The following VWA3B variants were observed in gnomAD, a reference collection of about 807,000 sequenced individuals.
VWA3B encodes the protein von Willebrand factor A domain-containing protein 3B.
Under a neutral mutation model 158.3 loss-of-function variants are expected in VWA3B, and 138 were observed. That is an observed-to-expected ratio of 0.87 (90% confidence interval 0.76 to 1.00). The LOEUF is 1.00. Among genes scored for constraint, VWA3B ranks in the 50% least tolerant of loss-of-function variants. The pLI is 0.00. For missense variants in VWA3B, 1,555 were observed against 1,565.1 expected, an observed-to-expected ratio of 0.99 and a Z score of 0.11; for synonymous variants, 596 against 587.3, an observed-to-expected ratio of 1.01 and a Z score of -0.21.
chr2:98,197,976 A>T (rs2105454188), intron 12 of VWA3B, among the ~76,000 whole-genome samples: 1 of 152,012 alleles, frequency 6.6e-6, no homozygotes, highest in South Asian at 2.1e-4. Flanking sequence ...GGACAGAGAT[A>T]GAAATATATA....
intron 3 of VWA3B, among the ~76,000 whole-genome samples, chr2:98,117,907 T>C (rs1373106859): frequency 6.6e-6 from 1 of 152,140 alleles, no homozygotes; most frequent in Non-Finnish European, 1.5e-5. Context: ...CAGCTACTTT[T>C]TGTATTTTTA....
intron 10 of VWA3B, 50 bp from the exon 11 acceptor site, chr2:98,192,848 T>G (rs1476999341): frequency 6.2e-7 from 1 of 1,613,680 alleles, no homozygotes; most frequent in Non-Finnish European, 8.5e-7. Context: ...GAAGATGCTC[T>G]TGTTGCCTGC....
intron 21 of VWA3B, among the ~76,000 whole-genome samples, chr2:98,266,035 G>T (rs1443766127): frequency 6.8e-6 from 1 of 148,014 alleles, no homozygotes; most frequent in Non-Finnish European, 1.5e-5. Flanking sequence ...CTGTGCAGAA[G>T]CTCTTTAGTT....
intron 2 of VWA3B, among the ~76,000 whole-genome samples, chr2:98,103,623 G>A (rs558064913): frequency 3.9e-5 from 6 of 152,008 alleles, no homozygotes; most frequent in African/African-American, 1.4e-4. Flanking sequence ...TAATTACATT[G>A]AGGTCAGAGA....
At chr2:98,283,289 A>G (rs1415320484) in intron 22 of VWA3B, among the ~76,000 whole-genome samples, 2 of 152,246 alleles carry the variant, frequency 1.3e-5, no homozygotes, top group Admixed American at 1.3e-4. Context: ...CGATGTGGAC[A>G]TCTTTACGGA....
intron 14 of VWA3B, among the ~76,000 whole-genome samples, chr2:98,221,098 C>T (rs367621021): frequency 6.6e-6 from 1 of 151,618 alleles, no homozygotes; most frequent in African/African-American, 2.4e-5. Context: ...AACAAACCTG[C>T]GTGTTCTGCA....
At chr2:98,243,111 T>C (rs1052030161) in intron 19 of VWA3B, among the ~76,000 whole-genome samples, 1 of 152,080 alleles carries the variant, frequency 6.6e-6, no homozygotes, top group Admixed American at 6.5e-5. Context: ...ATCCAGACCC[T>C]TTGTTCTTTG....
intron 8 of VWA3B, among the ~76,000 whole-genome samples, chr2:98,172,876 A>G (rs980289047): frequency 2.0e-5 from 3 of 152,196 alleles, no homozygotes; most frequent in Non-Finnish European, 2.9e-5. Flanking sequence ...GAGAATTCAG[A>G]TACACTATTG....
Position 98,271,500 on chromosome 2 carries a change from C to T in VWA3B, c.3045+617C>T, listed in dbSNP as rs867563258. On this transcript the variant is annotated intron_variant, in intron 22 of 27. Coordinates refer to ENST00000477737, the MANE Select transcript of VWA3B (RefSeq NM_144992.5). Reference sequence around the variant, plus strand: ...TTCTACATAGGTGCAATCAGAGTGTCCATAATTATTGTATATTCTGCTTTT... The same window carrying T: ...TTCTACATAGGTGCAATCAGAGTGTTCATAATTATTGTATATTCTGCTTTT... Among the ~76,000 whole-genome samples the T allele has an allele frequency of 1.2e-4, 18 of 152,122 alleles. No individual in the cohort carries two copies. In the Middle Eastern group the frequency reaches 0.014, roughly 115 times the overall value.
chr2:98,128,520 C>T lies in VWA3B; in HGVS notation c.872+112C>T. ...TTAACCAATCTGTTGCTGTGTTCTC[C>T]TCTTTCCAGTATATTATTTAGTCTC... On this transcript the variant is annotated intron_variant, in intron 6 of 27. Coordinates refer to ENST00000477737, the MANE Select transcript of VWA3B (RefSeq NM_144992.5). The T allele has an allele frequency of 1.2e-5, 13 of 1,062,532 alleles. No homozygotes were observed. The South Asian group carries it at 1.8e-4, about 15-fold the overall frequency. The allele number at this position is 1,062,532 out of a possible 1,614,324, so 65.8% of individuals were successfully genotyped here.
chr2:98,105,397 T>C (rs933029035), intron 2 of VWA3B, among the ~76,000 whole-genome samples: 1 of 152,240 alleles, frequency 6.6e-6, no homozygotes, highest in African/African-American at 2.4e-5. Context: ...GAATTTGACA[T>C]GTATGCAATG....
At chr2:98,277,983 A>C (rs1008821376) in intron 22 of VWA3B, among the ~76,000 whole-genome samples, 9 of 152,026 alleles carry the variant, frequency 5.9e-5, no homozygotes, top group Admixed American at 5.9e-4. Flanking sequence ...ACAGTCCATT[A>C]ACGGGAGGTG....
chr2:98,313,811 A>C (rs530842798), downstream of VWA3B, among the ~76,000 whole-genome samples: 1 of 152,288 alleles, frequency 6.6e-6, no homozygotes, highest in African/African-American at 2.4e-5. Context: ...TACAGGGCAA[A>C]TATATACAAT....
At chr2:98,290,804 GC>G (rs1284388470) in intron 23 of VWA3B, 182 bp downstream of exon 23, 1 of 501,140 alleles carries the variant, frequency 2.0e-6, no homozygotes, top group East Asian at 3.6e-5. Flanking sequence ...GCGTATTTGG[GC>G]CCCCCAAAAA....
chr2:98,201,679 T>C (rs1275212164), intron 12 of VWA3B, among the ~76,000 whole-genome samples: 1 of 152,174 alleles, frequency 6.6e-6, no homozygotes, highest in Non-Finnish European at 1.5e-5. Context: ...CTATTCTTGG[T>C]TTTTTGAGGA....
intron 21 of VWA3B, among the ~76,000 whole-genome samples, chr2:98,264,667 A>G (rs1368062436): frequency 6.6e-6 from 1 of 152,086 alleles, no homozygotes; most frequent in Non-Finnish European, 1.5e-5. Context: ...TGTGTACTTG[A>G]GAAGAATGTG....
In VWA3B at chr2:98,192,900, T is replaced by C; in HGVS notation, c.1469T>C (p.Ile490Thr). 3 of 1,614,208 alleles carry C rather than the reference T, an allele frequency of 1.9e-6. No homozygotes were observed. The highest frequency in any genetic ancestry group is 2.5e-6 in the Non-Finnish European group (3 of 1,180,034). ...HTALARIRRRIKWLQDGSQSL... is the reference protein window; with the variant it reads ...HTALARIRRRTKWLQDGSQSL... ...CTTTCAACCTACTTCCTGCCTAGGA[T>C]TAAATGGCTACAGGATGGGAGTCAA... is the stretch of plus-strand genomic sequence containing the variant. Residue 490 changes from isoleucine to threonine, a missense_variant and splice_region_variant, in exon 11 of 28, where the codon ATT (isoleucine) becomes ACT (threonine). Ile to Thr is a moderately conservative substitution (Grantham distance 89). Coordinates refer to ENST00000477737, the MANE Select transcript of VWA3B (RefSeq NM_144992.5).
Position 98,270,814 on chromosome 2 carries a change from G to A in VWA3B, c.2976G>A (p.Met992Ile). Residue 992 changes from methionine (M) to isoleucine (I), a missense_variant, in exon 22 of 28, where the codon ATG (methionine) becomes ATA (isoleucine). Physicochemically the swap from Met to Ile is conservative, Grantham distance 10. Coordinates refer to ENST00000477737, the MANE Select transcript of VWA3B (RefSeq NM_144992.5). Reference protein sequence around the residue: ...MLESEILAGKMYIQQAMELQE... With the variant: ...MLESEILAGKIYIQQAMELQE... ...AAAGTGAAATCCTAGCTGGGAAAAT[G>A]TACATCCAGCAGGCCATGGAACTCC... The A allele has an allele frequency of 1.2e-6, 2 of 1,614,124 alleles. No homozygotes were observed. Among genetic ancestry groups the A allele is most frequent in the South Asian group, 2.2e-5 (2 of 91,086 alleles).
intron 22 of VWA3B, among the ~76,000 whole-genome samples, chr2:98,283,860 A>T (rs1474001754): frequency 6.6e-6 from 1 of 152,246 alleles, no homozygotes; most frequent in African/African-American, 2.4e-5. Context: ...TCCCATAGCC[A>T]GGTGGGCAGC....
Sources: allele counts gnomAD v4.1 joint callset (sites outside exome capture counted in the v4.1 genomes callset), GRCh38; gene constraint gnomAD v4.1.1; transcripts MANE v1.5; gene names NCBI Gene and HGNC (gene_info 2026-07-23, HGNC 2026-07-21).